The following FAP variants were observed in gnomAD, a reference collection of about 807,000 sequenced individuals.
FAP encodes prolyl endopeptidase FAP.
A neutral mutation model predicts 126.5 loss-of-function variants in FAP; 110 were observed. The ratio of observed to expected loss-of-function variants is 0.87; its 90% CI spans 0.74 to 1.02. The LOEUF (loss-of-function observed/expected upper bound fraction) is 1.02, where lower values mean the gene tolerates loss of function less well. Among genes scored for constraint, FAP ranks in the 50% least tolerant of loss-of-function variants. FAP has a pLI of 0.00. For synonymous variants in FAP, 334 were observed against 297.3 expected (o/e 1.12, Z -1.27); for missense variants, 919 against 909.2 (o/e 1.01, Z -0.14).
intron 16 of FAP, chr2:162,198,311 G>A (rs568932168): frequency 1.4e-4 from 179 of 1,288,764 alleles, no homozygotes; most frequent in Non-Finnish European, 1.8e-4. Context: ...GGATGTGAGA[G>A]TTTGATATTT....
chr2:162,219,710 C>A, intron 7 of FAP, 143 bp downstream of exon 7: 3 of 675,342 alleles, frequency 4.4e-6, no homozygotes, highest in South Asian at 1.7e-5. Flanking sequence ...TTCAATTTAT[C>A]AAAACTCTTC....
chr2:162,224,673 AT>A, intron 4 of FAP, 133 bp from the exon 5 acceptor site: 1 of 520,694 alleles, frequency 1.9e-6, no homozygotes, highest in Non-Finnish European at 3.3e-6. Context: ...TGAAAAAAAT[AT>A]TTTGTGGAAC....
At chr2:162,224,405 A>C (rs575104072) in intron 5 of FAP, 61 bp downstream of exon 5, 16 of 1,023,422 alleles carry the variant, frequency 1.6e-5, no homozygotes, top group Non-Finnish European at 2.4e-5. Context: ...CACTTTTTTT[A>C]AACCACCTTG....
intron 2 of FAP, among the ~76,000 whole-genome samples, chr2:162,230,434 A>G (rs1689852823): frequency 6.6e-6 from 1 of 152,100 alleles, no homozygotes; most frequent in African/African-American, 2.4e-5. Context: ...CCACCCATAA[A>G]AGTAGAAGCA....
Position 162,188,278 on chromosome 2 carries a change from T to A in FAP, c.1705A>T (p.Ile569Phe), listed in dbSNP as rs1362195575. Residue 569 changes from isoleucine (I) to phenylalanine (F), a missense_variant, in exon 20 of 26, where the codon ATT (isoleucine) becomes TTT (phenylalanine). Ile to Phe is a conservative substitution (Grantham distance 21). Transcript: ENST00000188790. ...SYLASKEGMV[I>F]ALVDGRGTAF... ...GTTCCTCGACCATCCACCAAGGCAA[T>A]GACCATCCCTTCCTTACTTGCAAGA... The A allele has an allele frequency of 6.2e-7, 1 of 1,613,326 alleles. No individual in the cohort carries two copies.
chr2:162,189,031 A>C, intron 19 of FAP, 72 bp downstream of exon 19: 1 of 975,732 alleles, frequency 1.0e-6, no homozygotes, highest in Admixed American at 2.0e-5. Flanking sequence ...GGTTCATTCT[A>C]TTTCATAAAT....
intron 15 of FAP, 125 bp downstream of exon 15, chr2:162,200,441 T>G (rs778255092): frequency 8.3e-6 from 5 of 601,284 alleles, no homozygotes; most frequent in Non-Finnish European, 1.5e-5. Flanking sequence ...ATGTTTTCTC[T>G]AAATTCATAA....
intron 17 of FAP, chr2:162,193,516 G>A (rs1006531030): frequency 6.6e-6 from 1 of 152,094 alleles, no homozygotes; most frequent in African/African-American, 2.4e-5. Flanking sequence ...GAAAAAGAAA[G>A]GCTGGCTATT....
chr2:162,198,272 C>G, intron 16 of FAP: 1 of 1,289,914 alleles, frequency 7.8e-7, no homozygotes, highest in Non-Finnish European at 1.0e-6. Flanking sequence ...GTGGGCATCT[C>G]GGGTTTCCAA....
At chr2:162,178,862 A>G (rs949460198) in intron 21 of FAP, among the ~76,000 whole-genome samples, 1 of 152,188 alleles carries the variant, frequency 6.6e-6, no homozygotes, top group African/African-American at 2.4e-5. Context: ...AGTAAACCTC[A>G]TGGTAATTTT....
intron 11 of FAP, among the ~76,000 whole-genome samples, chr2:162,211,492 G>A (rs763131842): frequency 1.4e-4 from 21 of 152,160 alleles, no homozygotes; most frequent in Admixed American, 3.3e-4. Flanking sequence ...CAGAAGAAGA[G>A]CTGGAAAGGA....
At chr2:162,234,847 G>A (rs1229831141) in intron 2 of FAP, among the ~76,000 whole-genome samples, 2 of 152,156 alleles carry the variant, frequency 1.3e-5, no homozygotes, top group Non-Finnish European at 2.9e-5. Context: ...TGGCTTGCGG[G>A]GAGGTGTGGA....
chr2:162,179,792 ATATAT>A (rs1687624338), intron 21 of FAP, among the ~76,000 whole-genome samples: 1 of 96,694 alleles, frequency 1.0e-5, no homozygotes, highest in Non-Finnish European at 2.0e-5. Context: ...CTATCTATCT[ATATAT>A]ATATATATAT....
At chr2:162,211,740 T>A (rs933513361) in intron 11 of FAP, among the ~76,000 whole-genome samples, 3 of 152,186 alleles carry the variant, frequency 2.0e-5, no homozygotes, top group Non-Finnish European at 4.4e-5. Context: ...AAGCATAATA[T>A]AAAAGATGTT....
chr2:162,227,317 T>C (rs757611738), intron 2 of FAP, among the ~76,000 whole-genome samples: 6 of 152,136 alleles, frequency 3.9e-5, no homozygotes, highest in Non-Finnish European at 7.4e-5. Context: ...ACTAATCTAA[T>C]GCAGCTCACA....
Position 162,225,573 on chromosome 2 carries a change from T to C in FAP, c.195A>G (p.Gln65=). Residue 65 remains glutamine (Q), a synonymous_variant, in exon 4 of 26, where the codon CAA becomes CAG. Transcript: ENST00000188790. ...KTFFPNWISG[Q]EYLHQSADNN... ...TATCTGCAGATTGATGAAGATATTC[T>C]TGTCCTTTAAACAAGAAAGAAAACA... The C allele has an allele frequency of 6.3e-7, 1 of 1,591,832 alleles. No homozygotes were observed. Among genetic ancestry groups the C allele is most frequent in the Admixed American group, 1.8e-5 (1 of 55,378 alleles).
intron 11 of FAP, among the ~76,000 whole-genome samples, chr2:162,211,867 T>A (rs1394082459): frequency 2.0e-5 from 3 of 152,178 alleles, no homozygotes. Flanking sequence ...ATGAATAAAA[T>A]GTTGCCGGGT....
chr2:162,200,620 CT>C lies in FAP; in HGVS notation c.1224-2del. The C allele has an allele frequency of 7.3e-7, 1 of 1,367,260 alleles. No individual in the cohort carries two copies. Among genetic ancestry groups the C allele is most frequent in the East Asian group, 2.4e-5 (1 of 42,186 alleles). The allele number at this position is 1,367,260 out of a possible 1,614,324, so 84.7% of individuals were successfully genotyped here. A position where few individuals can be genotyped will look rare whatever the true frequency, so the allele number is the denominator to read the frequency against. On this transcript the variant is annotated splice_acceptor_variant, in intron 14 of 25. Coordinates refer to ENST00000188790, the MANE Select transcript of FAP (RefSeq NM_004460.5). LOFTEE classifies it high-confidence loss of function. The stretch of plus-strand genomic sequence containing the variant: ...TTCAAATTCATTGCTAGAATAAAAC[CT>C]GAAAATATATTCAGAAATTATTAAG...
chr2:162,184,081 G>A (rs534276422), intron 20 of FAP, among the ~76,000 whole-genome samples: 9 of 152,206 alleles, frequency 5.9e-5, no homozygotes, highest in Middle Eastern at 3.4e-3. Context: ...GGAGCAAGGG[G>A]CTACACTGAA....
Sources: gnomAD v4.1 joint callset for allele counts (sites outside exome capture counted in the v4.1 genomes callset) on GRCh38, gnomAD v4.1.1 for gene constraint, MANE v1.5 for transcripts, NCBI Gene and HGNC (gene_info 2026-07-23, HGNC 2026-07-21) for gene names.